Variants in CD93 observed in about 807,000 individuals in gnomAD.
The protein encoded by CD93 is complement component C1q receptor.
CD93 carries 44 observed loss-of-function variants against 45.5 expected under a neutral mutation model. The ratio of observed to expected loss-of-function variants is 0.97; its 90% CI spans 0.76 to 1.24. The LOEUF is 1.24. Among genes scored for constraint, CD93 ranks in the 50% most tolerant of loss-of-function variants. The probability of loss-of-function intolerance (pLI) is 0.00; values close to 1 mark genes in which losing one functional copy is unlikely to be tolerated. For missense variants in CD93, 918 were observed against 844.5 expected, an observed-to-expected ratio of 1.09 and a Z score of -1.08; for synonymous variants, 431 against 370.8, an observed-to-expected ratio of 1.16 and a Z score of -1.87.
intron 1 of CD93, 124 bp from the exon 2 acceptor site, chr20:23,084,098 G>T: frequency 1.4e-6 from 2 of 1,425,544 alleles, no homozygotes; most frequent in Non-Finnish European, 2.0e-6. Context: ...AAGGGGGCCC[G>T]AGTGCCTGGC....
Position 23,083,836 on chromosome 20 carries a change from G to T in CD93, c.*114C>A. 1.1e-6 allele frequency: 1 copy of T among 945,784 alleles called. No individual in the cohort carries two copies. Among genetic ancestry groups the T allele is most frequent in the Non-Finnish European group, 1.7e-6 (1 of 571,692 alleles). 58.6% of individuals were successfully genotyped at this position (945,784 alleles called of 1,614,324 possible). A position where few individuals can be genotyped will look rare whatever the true frequency, so the allele number is the denominator to read the frequency against. ...TTAAGGAGGAGACTTACAATTGTTTGCTAAGATTCCAGTCCAGTCTTTCAA... is the reference window on the plus strand; with the variant it reads ...TTAAGGAGGAGACTTACAATTGTTTTCTAAGATTCCAGTCCAGTCTTTCAA... On this transcript the variant is annotated 3_prime_UTR_variant, in exon 2 of 2. Transcript: ENST00000246006.
chr20:23,079,797 A>G lies in CD93; in HGVS notation c.*4153T>C, dbSNP rs1164784726. Reference sequence around the variant, plus strand: ...CCTTGCAGATAAGAGCAACAGCACAATAAAGGGATTCCAGAGCTTCTACCT... The same window carrying G: ...CCTTGCAGATAAGAGCAACAGCACAGTAAAGGGATTCCAGAGCTTCTACCT... On this transcript the variant is annotated 3_prime_UTR_variant, in exon 2 of 2. Transcript: ENST00000246006. 1.3e-5 allele frequency: 2 copies of G among 152,108 alleles called. No individual in the cohort carries two copies. The highest frequency in any genetic ancestry group is 2.4e-5 in the African/African-American group (1 of 41,418). The allele number at this position is 152,108 out of a possible 1,614,324, so 9.4% of individuals were successfully genotyped here.
Position 23,085,012 on chromosome 20 carries a change from G to A in CD93, c.1181C>T (p.Ser394Leu), listed in dbSNP as rs1046890888. 37 of 1,613,782 alleles carry A rather than the reference G, an allele frequency of 2.3e-5. No individual in the cohort carries two copies. Among genetic ancestry groups the A allele is most frequent in the Non-Finnish European group, 2.6e-5 (31 of 1,179,994 alleles). The part of the protein sequence containing the change: ...QDVDECALGR[S>L]PCAQGCTNTD... Reference sequence around the variant, plus strand: ...GTTGGTGCAGCCCTGGGCGCAAGGCGAGCGACCCAGAGCACACTCATCCAC... The same window carrying A: ...GTTGGTGCAGCCCTGGGCGCAAGGCAAGCGACCCAGAGCACACTCATCCAC... Residue 394 changes from serine to leucine, a missense_variant, in exon 1 of 2, where the codon TCG becomes TTG. Physicochemically the swap from Ser to Leu is moderately radical, Grantham distance 145 (BLOSUM62 -2). Transcript: ENST00000246006.
chr20:23,085,893 C>T lies in CD93; in HGVS notation c.300G>A (p.Glu100=), dbSNP rs1004220635. Residue 100 remains glutamate (E), a synonymous_variant, in exon 1 of 2, where the codon GAG becomes GAA. Coordinates refer to ENST00000246006, the MANE Select transcript of CD93 (RefSeq NM_012072.4). ...GACTAGGGTCCAGGCACTTGCCCTT[C>T]TCTCGCTGGAGCCCAATCCAGAACT... ...MSKFWIGLQR[E]KGKCLDPSLP... 3 of 1,582,188 alleles carry T rather than the reference C, an allele frequency of 1.9e-6. No homozygotes were observed. Among genetic ancestry groups the T allele is most frequent in the African/African-American group, 2.7e-5 (2 of 72,908 alleles).
chr20:23,084,795 A>G lies in CD93; in HGVS notation c.1398T>C (p.Ser466=), dbSNP rs1332171077. Reference sequence around the variant, plus strand: ...CCAGAGACACAGGCCCCATGGTGCAAGAGACCCCATTTGGGGCCAGCACCC... The same window carrying G: ...CCAGAGACACAGGCCCCATGGTGCAGGAGACCCCATTTGGGGCCAGCACCC... The part of the protein sequence containing the change: ...PGWVLAPNGV[S]CTMGPVSLGP... The change falls in exon 1 of 2, where the codon TCT becomes TCC. Residue 466 remains serine (S), a synonymous_variant. Coordinates refer to ENST00000246006, the MANE Select transcript of CD93 (RefSeq NM_012072.4). The G allele has an allele frequency of 6.2e-7, 1 of 1,613,230 alleles. No homozygotes were observed. The highest frequency in any genetic ancestry group is 8.5e-7 in the Non-Finnish European group (1 of 1,179,946).
rs766840249 is a variant in CD93 at position 23,084,607 on chromosome 20, G to T, written c.1586C>A (p.Ser529Tyr). Residue 529 changes from serine to tyrosine, a missense_variant, in exon 1 of 2, where the codon TCT becomes TAT. Ser to Tyr is a moderately radical substitution (Grantham distance 144). Transcript: ENST00000246006. ...GGGGGCCAGCATCTTGAGTGGGGCA[G>T]ATGTGATGGGGGCGTCAGATGACAG... ...PSLSSDAPIT[S>Y]APLKMLAPSG... 4.3e-6 allele frequency: 7 copies of T among 1,610,888 alleles called. No homozygotes were observed. The Admixed American group carries it at 1.0e-4, about 23-fold the overall frequency.
In CD93 at chr20:23,085,015, C is replaced by A; in HGVS notation, c.1178G>T (p.Arg393Leu). 6.2e-7 allele frequency: 1 copy of A among 1,613,944 alleles called. No individual in the cohort carries two copies. The change falls in exon 1 of 2, where the codon CGC becomes CTC. Residue 393 changes from arginine (R) to leucine (L), a missense_variant. By Grantham distance (102) the Arg-to-Leu change is moderately radical (BLOSUM62 -2). Transcript: ENST00000246006. ...CQDVDECALGRSPCAQGCTNT... is the reference protein window; with the variant it reads ...CQDVDECALGLSPCAQGCTNT... ...GGTGCAGCCCTGGGCGCAAGGCGAG[C>A]GACCCAGAGCACACTCATCCACATC...
chr20:23,084,182 C>T (rs1985404378), intron 1 of CD93, 77 bp downstream of exon 1: 2 of 1,544,730 alleles, frequency 1.3e-6, no homozygotes, highest in Admixed American at 3.4e-5. Context: ...CCTGCTCTTG[C>T]TGCCACCTCT....
rs771947319 is a variant in CD93 at position 23,085,542 on chromosome 20, A to G, written c.651T>C (p.Phe217=). 6.2e-7 allele frequency: 1 copy of G among 1,613,934 alleles called. No homozygotes were observed. The highest frequency in any genetic ancestry group is 8.5e-7 in the Non-Finnish European group (1 of 1,180,030). ...TTSSSLEAVP[F]ASAANVACGE... ...CACAGGCTACATTGGCCGCAGAGGC[A>G]AAGGGCACAGCCTCCAAGGAGGAAC... The change falls in exon 1 of 2, where the codon TTT becomes TTC. Residue 217 remains phenylalanine, a synonymous_variant. Coordinates refer to ENST00000246006, the MANE Select transcript of CD93 (RefSeq NM_012072.4).
Position 23,080,774 on chromosome 20 carries a change from G to C in CD93, c.*3176C>G, listed in dbSNP as rs1258219509. The C allele has an allele frequency of 6.6e-6, 1 of 152,248 alleles. No homozygotes were observed. The highest frequency in any genetic ancestry group is 1.5e-5 in the Non-Finnish European group (1 of 68,050). 9.4% of individuals were successfully genotyped at this position (152,248 alleles called of 1,614,324 possible). ...TTAGGTGTGTGGGCCACCGAAGGCA[G>C]AGACCAGATGTGGTTGGTCTTGCCT... On this transcript the variant is annotated 3_prime_UTR_variant, in exon 2 of 2. Transcript: ENST00000246006.
In CD93 at chr20:23,085,568, T is replaced by C; in HGVS notation, c.625A>G (p.Ser209Gly). 6 of 1,613,890 alleles carry C rather than the reference T, an allele frequency of 3.7e-6. No homozygotes were observed. Among genetic ancestry groups the C allele is most frequent in the African/African-American group, 1.3e-5 (1 of 75,050 alleles). Residue 209 changes from serine (S) to glycine (G), a missense_variant, in exon 1 of 2, where the codon AGT becomes GGT. Coordinates refer to ENST00000246006, the MANE Select transcript of CD93 (RefSeq NM_012072.4). ...VTYTTPFQTT[S>G]SSLEAVPFAS... ...AAGGGCACAGCCTCCAAGGAGGAAC[T>C]GGTGGTCTGGAAGGGGGTGGTGTAG...
Position 23,083,714 on chromosome 20 carries a change from A to G in CD93, c.*236T>C. 1.7e-6 allele frequency: 1 copy of G among 590,424 alleles called. No homozygotes were observed. The highest frequency in any genetic ancestry group is 2.0e-5 in the South Asian group (1 of 49,654). 36.6% of individuals were successfully genotyped at this position (590,424 alleles called of 1,614,324 possible). On this transcript the variant is annotated 3_prime_UTR_variant, in exon 2 of 2. Coordinates refer to ENST00000246006, the MANE Select transcript of CD93 (RefSeq NM_012072.4). ...AGGGAGGGGGAGTAACAATCATTAT[A>G]GAGTCACGAAATCCCCACCGTGGCA...
Position 23,085,160 on chromosome 20 carries a change from CCA to C in CD93, c.1031_1032del (p.Val344GlyfsTer4). 1.9e-6 allele frequency: 3 copies of C among 1,583,586 alleles called. No individual in the cohort carries two copies. The highest frequency in any genetic ancestry group is 2.6e-6 in the Non-Finnish European group (3 of 1,163,822). Reference protein sequence around the residue: ...YQLDSSQLDCVDVDECQDSPC... With the variant: ...YQLDSSQLDCXDVDECQDSPC... Reference sequence around the variant, plus strand: ...GGGGAGTCCTGGCATTCATCCACGTCCACACAGTCCAGCTGACTCGAGTCCAG... The same window carrying C: ...GGGGAGTCCTGGCATTCATCCACGTCCACAGTCCAGCTGACTCGAGTCCAG... On this transcript the variant is annotated frameshift_variant, in exon 1 of 2. Coordinates refer to ENST00000246006, the MANE Select transcript of CD93 (RefSeq NM_012072.4). LOFTEE classifies it high-confidence loss of function.
Position 23,086,239 on chromosome 20 carries a change from G to T in CD93, c.-47C>A, listed in dbSNP as rs1175246236. The T allele has an allele frequency of 1.4e-6, 2 of 1,462,550 alleles. No individual in the cohort carries two copies. The highest frequency in any genetic ancestry group is 2.8e-5 in the South Asian group (2 of 72,326). The allele number at this position is 1,462,550 out of a possible 1,614,324, so 90.6% of individuals were successfully genotyped here. ...TGCGGGAGGCGAGAAGCCCAGCGGCGACAGGAGCTTCTATCTCGGCTCCCA... is the reference window on the plus strand; with the variant it reads ...TGCGGGAGGCGAGAAGCCCAGCGGCTACAGGAGCTTCTATCTCGGCTCCCA... On this transcript the variant is annotated 5_prime_UTR_variant, in exon 1 of 2. Transcript: ENST00000246006.
chr20:23,084,109 G>A lies in CD93; in HGVS notation c.1935-135C>T, dbSNP rs373581862. The A allele has an allele frequency of 3.9e-5, 55 of 1,405,044 alleles. No individual in the cohort carries two copies. The African/African-American group carries it at 6.8e-4, about 17-fold the overall frequency. The allele number at this position is 1,405,044 out of a possible 1,614,324, so 87.0% of individuals were successfully genotyped here. A position where few individuals can be genotyped will look rare whatever the true frequency, so the allele number is the denominator to read the frequency against. On this transcript the variant is annotated intron_variant, in intron 1 of 1. Coordinates refer to ENST00000246006, the MANE Select transcript of CD93 (RefSeq NM_012072.4). The stretch of plus-strand genomic sequence containing the variant: ...CTCTAAGGGGGCCCGAGTGCCTGGC[G>A]TGGGGGGAGGTTGAGGGGTCAGCTG...
rs775289910 is a variant in CD93, at chr20:23,085,034, C to T, written c.1159G>A (p.Asp387Asn). The T allele has an allele frequency of 6.2e-7, 1 of 1,613,974 alleles. No individual in the cohort carries two copies. The highest frequency in any genetic ancestry group is 8.5e-7 in the Non-Finnish European group (1 of 1,179,986). ...GGCGAGCGACCCAGAGCACACTCAT[C>T]CACATCCTGACAGGCCCCCTCTCCA... is the stretch of plus-strand genomic sequence containing the variant. ...GPGEGACQDV[D>N]ECALGRSPCA... The change falls in exon 1 of 2, where the codon GAT becomes AAT. Residue 387 changes from aspartate (D) to asparagine (N), a missense_variant. Physicochemically the swap from Asp to Asn is conservative, Grantham distance 23. Coordinates refer to ENST00000246006, the MANE Select transcript of CD93 (RefSeq NM_012072.4).
Position 23,084,752 on chromosome 20 carries a change from G to A in CD93, c.1441C>T (p.Pro481Ser). ...TTCTCTCCTTTGTCCTCCTCATCGG[G>A]GGGCCCAGATGGTGGTCCCAGAGAC... ...PVSLGPPSGP[P>S]DEEDKGEKEG... The change falls in exon 1 of 2, where the codon CCC becomes TCC. Residue 481 changes from proline (P) to serine (S), a missense_variant. Transcript: ENST00000246006. The A allele has an allele frequency of 1.2e-6, 2 of 1,609,828 alleles. No homozygotes were observed. Among genetic ancestry groups the A allele is most frequent in the Non-Finnish European group, 1.7e-6 (2 of 1,178,592 alleles).
In CD93 at chr20:23,082,150, C is replaced by T. The variant is rs1568676022; in HGVS notation, c.*1800G>A. ...ACTTTAAAAAGAAGTTCCAAATGCCCCATCGAGCCGCACAAAACCTCCATC... is the reference window on the plus strand; with the variant it reads ...ACTTTAAAAAGAAGTTCCAAATGCCTCATCGAGCCGCACAAAACCTCCATC... On this transcript the variant is annotated 3_prime_UTR_variant, in exon 2 of 2. Transcript: ENST00000246006. The T allele has an allele frequency of 1.3e-5, 2 of 152,198 alleles. No individual in the cohort carries two copies. Among genetic ancestry groups the T allele is most frequent in the African/African-American group, 2.4e-5 (1 of 41,430 alleles). 9.4% of individuals were successfully genotyped at this position (152,198 alleles called of 1,614,324 possible).
In CD93 at chr20:23,085,361, CT is replaced by C; in HGVS notation, c.831del (p.Asp280MetfsTer19). 6.2e-7 allele frequency: 1 copy of C among 1,614,018 alleles called. No homozygotes were observed. The highest frequency in any genetic ancestry group is 8.5e-7 in the Non-Finnish European group (1 of 1,179,972). ...CCGCAGAGGAAGGAGCCATCCCCCCCTTCAAAGCAGTCCTGGTGGCAGCCCC... is the reference window on the plus strand; with the variant it reads ...CCGCAGAGGAAGGAGCCATCCCCCCCTCAAAGCAGTCCTGGTGGCAGCCCC... ...NNGGCHQDCF[E>X]GGDGSFLCGC... is the part of the protein sequence containing the mutation. On this transcript the variant is annotated frameshift_variant, in exon 1 of 2. Coordinates refer to ENST00000246006, the MANE Select transcript of CD93 (RefSeq NM_012072.4). LOFTEE classifies it high-confidence loss of function.
Sources: gnomAD v4.1 joint callset for allele counts on GRCh38, gnomAD v4.1.1 for gene constraint, MANE v1.5 for transcripts, NCBI Gene and HGNC (gene_info 2026-07-23, HGNC 2026-07-21) for gene names.